The following BTBD9 variants were observed in gnomAD, a reference collection of about 807,000 sequenced individuals.
The protein encoded by BTBD9 is BTB domain containing 9.
A neutral mutation model predicts 64.3 loss-of-function variants in BTBD9; 49 were observed. The ratio of observed to expected loss-of-function variants is 0.76; its 90% CI spans 0.61 to 0.97. The LOEUF (loss-of-function observed/expected upper bound fraction) is 0.97. Among genes scored for constraint, BTBD9 ranks in the 50% least tolerant of loss-of-function variants. BTBD9 has a pLI of 0.00. For missense variants in BTBD9, 598 were observed against 762.1 expected (o/e 0.78, Z 2.53); for synonymous variants, 260 against 274.7 (o/e 0.95, Z 0.53).
chr6:38,375,877 C>CGAAAGAAAG (rs1765657755), intron 6 of BTBD9, among the ~76,000 whole-genome samples: 2 of 75,266 alleles, frequency 2.7e-5, no homozygotes, highest in South Asian at 6.9e-4. Flanking sequence ...AGTCTACAAA[C>CGAAAGAAAG]AAAAGAAAGA....
rs370881586 is a variant in BTBD9 at position 38,287,037 on chromosome 6, G to A, written c.1454+1235C>T. Among the ~76,000 whole-genome samples, 9 of 120,426 alleles carry A rather than the reference G, an allele frequency of 7.5e-5. No individual in the cohort carries two copies. The East Asian group carries it at 1.4e-3, about 18-fold the overall frequency. The allele number at this position is 120,426 out of a possible 152,430, so 79.0% of individuals were successfully genotyped here. On this transcript the variant is annotated intron_variant, in intron 8 of 10. Transcript: ENST00000481247. ...GCAGAGGTTGCGGTGAGCCAAGATCGCACCATTGCATTCCAGCCTGGGTGA... is the reference window on the plus strand; with the variant it reads ...GCAGAGGTTGCGGTGAGCCAAGATCACACCATTGCATTCCAGCCTGGGTGA...
chr6:38,364,095 G>A (rs1765090828), intron 6 of BTBD9, among the ~76,000 whole-genome samples: 1 of 152,084 alleles, frequency 6.6e-6, no homozygotes, highest in African/African-American at 2.4e-5. Context: ...AAAATGCAAT[G>A]GAGCTGAGTG....
intron 6 of BTBD9, among the ~76,000 whole-genome samples, chr6:38,420,295 G>C (rs1332329394): frequency 2.6e-5 from 4 of 152,174 alleles, no homozygotes; most frequent in African/African-American, 9.7e-5. Flanking sequence ...TTAAGGACCA[G>C]TAGAAAACAA....
chr6:38,329,016 T>TGTGTG (rs1763570375), intron 7 of BTBD9, among the ~76,000 whole-genome samples: 1 of 145,030 alleles, frequency 6.9e-6, no homozygotes, highest in African/African-American at 2.6e-5. Context: ...GTGTGTGTAA[T>TGTGTG]TTAAAAATAC....
chr6:38,399,937 T>C (rs1325660252), intron 6 of BTBD9, among the ~76,000 whole-genome samples: 1 of 151,460 alleles, frequency 6.6e-6, no homozygotes, highest in Non-Finnish European at 1.5e-5. Context: ...TTTTTTTGTA[T>C]TTTTAGTAGA....
At position 38,494,439 on chromosome 6, in the gene BTBD9, G is replaced by A. The variant is rs150646544; in HGVS notation, c.1154+83161C>T. Among the ~76,000 whole-genome samples the A allele has an allele frequency of 2.0e-4, 30 of 152,286 alleles. No individual in the cohort carries two copies. The East Asian group carries it at 5.0e-3, about 25-fold the overall frequency. ...GTGGACACAGACAACTGCAATGAGA[G>A]GGAATTCTCTATACGCCTCAGATAA... On this transcript the variant is annotated intron_variant, in intron 6 of 10. Coordinates refer to ENST00000481247, the MANE Select transcript of BTBD9 (RefSeq NM_001099272.2).
intron 6 of BTBD9, among the ~76,000 whole-genome samples, chr6:38,525,162 G>T (rs1773429590): frequency 6.6e-6 from 1 of 152,106 alleles, no homozygotes; most frequent in Admixed American, 6.5e-5. Flanking sequence ...AAAGTTAGTT[G>T]GATCACAGGG....
rs77173879 is a variant in BTBD9 at position 38,307,175 on chromosome 6, T to C, written c.1265-18714A>G. Reference sequence around the variant, plus strand: ...TGATCAGGCAAGCTTCTAACCCAACTGTAATCCAACCTTCTGTCAAATTAT... The same window carrying C: ...TGATCAGGCAAGCTTCTAACCCAACCGTAATCCAACCTTCTGTCAAATTAT... On this transcript the variant is annotated intron_variant, in intron 7 of 10. Transcript: ENST00000481247. Among the ~76,000 whole-genome samples the C allele has an allele frequency of 3.3e-4, 51 of 152,306 alleles. 1 individual carries two copies. The East Asian group carries it at 6.9e-3, about 21-fold the overall frequency.
Position 38,424,367 on chromosome 6 carries a change from A to G in BTBD9, c.1155-79274T>C, listed in dbSNP as rs142805401. 9.9e-4 allele frequency among the ~76,000 whole-genome samples: 150 copies of G among 152,074 alleles called. 2 individuals carry two copies. The East Asian group carries it at 0.016, about 16-fold the overall frequency. Reference sequence around the variant, plus strand: ...GGAAATTCTCTGTGATACAGAAAAAATATAATACCGCCCAACAACTGGCTC... The same window carrying G: ...GGAAATTCTCTGTGATACAGAAAAAGTATAATACCGCCCAACAACTGGCTC... On this transcript the variant is annotated intron_variant, in intron 6 of 10. Coordinates refer to ENST00000481247, the MANE Select transcript of BTBD9 (RefSeq NM_001099272.2).
intron 1 of BTBD9, among the ~76,000 whole-genome samples, chr6:38,622,166 G>C (rs1045842276): frequency 6.6e-6 from 1 of 152,222 alleles, no homozygotes; most frequent in South Asian, 2.1e-4. Flanking sequence ...AAGCCTGTGA[G>C]GTGTGCCAAA....
intron 6 of BTBD9, among the ~76,000 whole-genome samples, chr6:38,538,411 A>G (rs1774118766): frequency 6.6e-6 from 1 of 152,184 alleles, no homozygotes; most frequent in Non-Finnish European, 1.5e-5. Flanking sequence ...GAGAAATGAT[A>G]AAGTATTCAT....
At chr6:38,384,192 T>C (rs1432617004) in intron 6 of BTBD9, among the ~76,000 whole-genome samples, 1 of 152,204 alleles carries the variant, frequency 6.6e-6, no homozygotes, top group Non-Finnish European at 1.5e-5. Context: ...AAGCTTGCAA[T>C]TGATTCTTTC....
intron 1 of BTBD9, among the ~76,000 whole-genome samples, chr6:38,635,415 C>T (rs1467339318): frequency 6.6e-6 from 1 of 152,198 alleles, no homozygotes; most frequent in Non-Finnish European, 1.5e-5. Context: ...GAGTTACAGG[C>T]ATGAGCCACC....
At chr6:38,577,743 G>A in intron 5 of BTBD9, 24 bp from the exon 6 acceptor site, 3 of 1,587,532 alleles carry the variant, frequency 1.9e-6, no homozygotes, top group Admixed American at 1.8e-5. Flanking sequence ...GGAAAAAGCA[G>A]AAAAAAATTA....
At chr6:38,337,450 GCTA>G (rs1343390743) in intron 7 of BTBD9, among the ~76,000 whole-genome samples, 2 of 152,120 alleles carry the variant, frequency 1.3e-5, no homozygotes, top group African/African-American at 4.8e-5. Context: ...CGGTATTATT[GCTA>G]TGTAAATTAG....
intron 9 of BTBD9, among the ~76,000 whole-genome samples, chr6:38,253,270 C>T (rs531771190): frequency 6.6e-6 from 1 of 152,252 alleles, no homozygotes; most frequent in East Asian, 1.9e-4. Flanking sequence ...GCTGGAGAGG[C>T]CTCAGGAAAC....
At chr6:38,306,248 C>T (rs1462522477) in intron 7 of BTBD9, among the ~76,000 whole-genome samples, 2 of 152,210 alleles carry the variant, frequency 1.3e-5, no homozygotes, top group Non-Finnish European at 2.9e-5. Context: ...CCTCCCTTGT[C>T]CCACTGGAAT....
chr6:38,375,309 T>C (rs1438172480), intron 6 of BTBD9, among the ~76,000 whole-genome samples: 4 of 152,206 alleles, frequency 2.6e-5, no homozygotes, highest in Admixed American at 6.5e-5. Flanking sequence ...CAAATATTTT[T>C]TTCTTCTGTC....
intron 7 of BTBD9, among the ~76,000 whole-genome samples, chr6:38,290,412 G>C (rs538547869): frequency 9.9e-4 from 151 of 151,920 alleles, no homozygotes; most frequent in Non-Finnish European, 1.8e-3. Context: ...ATTTGGAAGA[G>C]AGAATGAAAG....
Sources: allele counts gnomAD v4.1 joint callset (sites outside exome capture counted in the v4.1 genomes callset), GRCh38; gene constraint gnomAD v4.1.1; transcripts MANE v1.5; gene names NCBI Gene and HGNC (gene_info 2026-07-23, HGNC 2026-07-21).